THRB: variants seen among roughly 807,000 people sequenced by gnomAD.
The protein encoded by THRB is thyroid hormone receptor beta.
THRB carries 12 observed loss-of-function variants against 47.8 expected under a neutral mutation model. The ratio of observed to expected loss-of-function variants is 0.25; its 90% CI spans 0.16 to 0.41. THRB has a LOEUF of 0.41. Among genes scored for constraint, THRB ranks in the 10% least tolerant of loss-of-function variants. THRB has a pLI of 1.00. For missense variants in THRB, 348 were observed against 589.2 expected (o/e 0.59, Z 4.24); for synonymous variants, 218 against 212.2 (o/e 1.03, Z -0.24).
At chr3:24,367,600 T>C (rs1283050908) in intron 1 of THRB, among the ~76,000 whole-genome samples, 1 of 152,182 alleles carries the variant, frequency 6.6e-6, no homozygotes, top group Non-Finnish European at 1.5e-5. Flanking sequence ...CTTGAGTTCC[T>C]GTTTTCAAAA....
At chr3:24,298,505 G>C (rs2056636345) in intron 2 of THRB, among the ~76,000 whole-genome samples, 1 of 152,228 alleles carries the variant, frequency 6.6e-6, no homozygotes, top group African/African-American at 2.4e-5. Flanking sequence ...ATCTTGTATT[G>C]CATTTGTTTA....
chr3:24,283,065 C>T (rs1458777544), intron 3 of THRB, among the ~76,000 whole-genome samples: 1 of 151,140 alleles, frequency 6.6e-6, no homozygotes, highest in African/African-American at 2.4e-5. Flanking sequence ...AAGAGGGAAT[C>T]CTCCCTAACT....
At chr3:24,353,115 A>G (rs552053760) in intron 1 of THRB, among the ~76,000 whole-genome samples, 1 of 152,032 alleles carries the variant, frequency 6.6e-6, no homozygotes, top group Admixed American at 6.6e-5. Flanking sequence ...AAAGTGAAAC[A>G]TGGATTCTTA....
chr3:24,454,453 T>C (rs1226427766), intron 1 of THRB, among the ~76,000 whole-genome samples: 1 of 152,186 alleles, frequency 6.6e-6, no homozygotes, highest in Non-Finnish European at 1.5e-5. Flanking sequence ...AGCTGCAAAC[T>C]GAGAATATAC....
At chr3:24,164,236 A>G (rs1250022089) in intron 5 of THRB, among the ~76,000 whole-genome samples, 1 of 152,178 alleles carries the variant, frequency 6.6e-6, no homozygotes, top group Non-Finnish European at 1.5e-5. Context: ...GTAATACAAG[A>G]AATGTTCTAT....
At chr3:24,443,566 C>CAAATATGG (rs1271042167) in intron 1 of THRB, among the ~76,000 whole-genome samples, 5 of 152,064 alleles carry the variant, frequency 3.3e-5, no homozygotes, top group African/African-American at 1.2e-4. Flanking sequence ...TAATCTCAAA[C>CAAATATGG]AAATATGGAA....
intron 5 of THRB, among the ~76,000 whole-genome samples, chr3:24,173,528 C>A (rs899262244): frequency 1.3e-5 from 2 of 152,186 alleles, no homozygotes; most frequent in Non-Finnish European, 2.9e-5. Flanking sequence ...GCAGTGATAT[C>A]TGACATTTTT....
chr3:24,224,624 G>A (rs1287368480), intron 4 of THRB, among the ~76,000 whole-genome samples: 1 of 152,136 alleles, frequency 6.6e-6, no homozygotes, highest in Non-Finnish European at 1.5e-5. Context: ...ATAAAATGCC[G>A]AGTTTTCCCA....
At chr3:24,448,564 T>C (rs1577648244) in intron 1 of THRB, among the ~76,000 whole-genome samples, 1 of 152,058 alleles carries the variant, frequency 6.6e-6, no homozygotes, top group Admixed American at 6.6e-5. Flanking sequence ...TAGCTAGGGG[T>C]CTTTATTAAA....
At chr3:24,162,681 G>T (rs1304960195) in intron 5 of THRB, among the ~76,000 whole-genome samples, 2 of 101,714 alleles carry the variant, frequency 2.0e-5, no homozygotes, top group East Asian at 2.9e-4. Flanking sequence ...TGTCGGCTAT[G>T]AATGCAAAAA....
rs58600238 is a variant in THRB at position 24,161,617 on chromosome 3, AACACACAC to A, written c.284-9135_284-9128del. 2.2e-3 allele frequency among the ~76,000 whole-genome samples: 304 copies of A among 141,186 alleles called. 1 individual carries two copies. Among genetic ancestry groups the A allele is most frequent in the African/African-American group, 7.3e-3 (283 of 38,504 alleles). 92.6% of individuals were successfully genotyped at this position (141,186 alleles called of 152,430 possible). A position where few individuals can be genotyped will look rare whatever the true frequency, so the allele number is the denominator to read the frequency against. On this transcript the variant is annotated intron_variant, in intron 5 of 10. Transcript: ENST00000646209. Reference sequence around the variant, plus strand: ...TCACCTGGAGTCAACAGAGCTACAGAACACACACACACACACACACACACACACACACA... The same window carrying A: ...TCACCTGGAGTCAACAGAGCTACAGAACACACACACACACACACACACACA...
chr3:24,383,359 A>G (rs1437876387), intron 1 of THRB, among the ~76,000 whole-genome samples: 1 of 152,176 alleles, frequency 6.6e-6, no homozygotes, highest in Non-Finnish European at 1.5e-5. Context: ...TATCTGGAAG[A>G]AAACATTAGC....
intron 2 of THRB, among the ~76,000 whole-genome samples, chr3:24,307,861 C>T (rs2149167619): frequency 6.6e-6 from 1 of 152,262 alleles, no homozygotes; most frequent in Admixed American, 6.5e-5. Context: ...TAAAAGGTTG[C>T]CTCCAGGAGT....
chr3:24,222,083 T>C (rs1460342841), intron 4 of THRB, among the ~76,000 whole-genome samples: 3 of 152,210 alleles, frequency 2.0e-5, no homozygotes, highest in Non-Finnish European at 4.4e-5. Flanking sequence ...AAAAAGGTGA[T>C]GTATTAGCTG....
chr3:24,450,768 A>G (rs1485832473), intron 1 of THRB, among the ~76,000 whole-genome samples: 1 of 152,184 alleles, frequency 6.6e-6, no homozygotes, highest in Non-Finnish European at 1.5e-5. Context: ...AGGTGCATAC[A>G]GTCAACTGGT....
chr3:24,176,069 GT>G (rs2041110477), intron 5 of THRB, among the ~76,000 whole-genome samples: 1 of 151,898 alleles, frequency 6.6e-6, no homozygotes, highest in Non-Finnish European at 1.5e-5. Context: ...TGATTTATCT[GT>G]TTTTCCAAAG....
chr3:24,193,078 G>A (rs1225760560), intron 4 of THRB, among the ~76,000 whole-genome samples: 1 of 152,140 alleles, frequency 6.6e-6, no homozygotes, highest in Non-Finnish European at 1.5e-5. Flanking sequence ...TGGGGTCCTT[G>A]AATTCTACCT....
chr3:24,373,667 C>T (rs963419756), intron 1 of THRB, among the ~76,000 whole-genome samples: 1 of 152,106 alleles, frequency 6.6e-6, no homozygotes, highest in Non-Finnish European at 1.5e-5. Context: ...ACATGAAAGG[C>T]TGAAAAAACT....
intron 3 of THRB, among the ~76,000 whole-genome samples, chr3:24,294,636 C>A (rs1325487717): frequency 6.6e-6 from 1 of 152,148 alleles, no homozygotes; most frequent in Admixed American, 6.6e-5. Flanking sequence ...TCTGAGCGGA[C>A]AGCCTGGGAA....
Sources: allele counts gnomAD v4.1 joint callset (sites outside exome capture counted in the v4.1 genomes callset), GRCh38; gene constraint gnomAD v4.1.1; transcripts MANE v1.5; gene names NCBI Gene and HGNC (gene_info 2026-07-23, HGNC 2026-07-21).